KIAA2012: variants seen among roughly 807,000 people sequenced by gnomAD.
KIAA2012 encodes KIAA2012, also known as uncharacterized protein KIAA2012.
Under a neutral mutation model 150.6 loss-of-function variants are expected in KIAA2012, and 125 were observed. The observed-to-expected ratio is 0.83, with a 90% confidence interval of 0.72 to 0.96. The LOEUF (loss-of-function observed/expected upper bound fraction) is 0.96, where lower values mean the gene tolerates loss of function less well. KIAA2012 is among the 40% of genes least tolerant of loss of function. The pLI is 0.00. For synonymous variants in KIAA2012, 462 were observed against 504.7 expected (o/e 0.92, Z 1.13); for missense variants, 1,219 against 1,354.9 (o/e 0.90, Z 1.57).
At position 202,075,017 on chromosome 2, in the gene KIAA2012, C is replaced by G; in HGVS notation, c.211C>G (p.Leu71Val). 1 of 1,550,648 alleles carries G rather than the reference C, an allele frequency of 6.4e-7. No individual in the cohort carries two copies. Among genetic ancestry groups the G allele is most frequent in the Non-Finnish European group, 8.7e-7 (1 of 1,147,010 alleles). Reference sequence around the variant, plus strand: ...AACTTTCAGTACTAGAAAGGGTGCCCTGATCCTGTACTCAGAAGGTTTTGC... The same window carrying G: ...AACTTTCAGTACTAGAAAGGGTGCCGTGATCCTGTACTCAGAAGGTTTTGC... ...PKTFSTRKGA[L>V]ILYSEGFAIS... Residue 71 changes from leucine to valine, a missense_variant, in exon 2 of 24, where the codon CTG becomes GTG. Physicochemically the swap from Leu to Val is conservative, Grantham distance 32 (BLOSUM62 1). Coordinates refer to ENST00000498697, the MANE Select transcript of KIAA2012 (RefSeq NM_001277372.4).
intron 4 of KIAA2012, among the ~76,000 whole-genome samples, chr2:202,095,998 C>T (rs529792737): frequency 7.9e-5 from 12 of 152,158 alleles, no homozygotes; most frequent in East Asian, 5.8e-4. Flanking sequence ...GCAGGAGAAT[C>T]GCTTGAACCT....
At position 202,190,293 on chromosome 2, in the gene KIAA2012, A is replaced by G. The variant is rs1251698931; in HGVS notation, c.2611A>G (p.Ser871Gly). ...GGCAGAGCTGAGCGGGCCTGATGTC[A>G]GCTATGAGGAAACAGAAGACACCTC... ...IAAELSGPDV[S>G]YEETEDTSNR... is the part of the protein sequence containing the mutation. Residue 871 changes from serine (S) to glycine (G), a missense_variant, in exon 19 of 24, where the codon AGC becomes GGC. Transcript: ENST00000498697. 1.3e-6 allele frequency: 2 copies of G among 1,550,610 alleles called. No homozygotes were observed. Among genetic ancestry groups the G allele is most frequent in the East Asian group, 4.9e-5 (2 of 40,908 alleles).
intron 2 of KIAA2012, among the ~76,000 whole-genome samples, chr2:202,089,064 G>T (rs16838805): frequency 0.2 from 29,861 of 152,054 alleles, 4,730 homozygotes; most frequent in African/African-American, 0.44. Context: ...CCCACTTGAT[G>T]TTTCCCTATG....
chr2:202,095,644 G>A (rs996010128), intron 4 of KIAA2012, among the ~76,000 whole-genome samples: 1 of 152,132 alleles, frequency 6.6e-6, no homozygotes, highest in African/African-American at 2.4e-5. Flanking sequence ...ATCAGATGAT[G>A]ATGTTTACTA....
intron 15 of KIAA2012, among the ~76,000 whole-genome samples, chr2:202,168,822 C>A (rs1035908196): frequency 6.6e-6 from 1 of 151,920 alleles, no homozygotes; most frequent in Non-Finnish European, 1.5e-5. Context: ...TAAGGAGCAG[C>A]CTGGAACAAT....
At chr2:202,189,201 A>G (rs1420050951) in intron 18 of KIAA2012, among the ~76,000 whole-genome samples, 1 of 152,048 alleles carries the variant, frequency 6.6e-6, no homozygotes, top group Non-Finnish European at 1.5e-5. Flanking sequence ...CTGCAACCTC[A>G]AGCCAGACTC....
rs1438418809 is a variant in KIAA2012, at chr2:202,188,264, T to C, written c.2489T>C (p.Ile830Thr). ...GTCTACGGGCAAGCAGAGGCTGCCATTGGTAAGAGAGTGTGCCTGCAAGTA... is the reference window on the plus strand; with the variant it reads ...GTCTACGGGCAAGCAGAGGCTGCCACTGGTAAGAGAGTGTGCCTGCAAGTA... ...GKVYGQAEAA[I>T]GKSKDSKAKK... Residue 830 changes from isoleucine to threonine, a missense_variant and splice_region_variant, in exon 18 of 24, where the codon ATT becomes ACT. By Grantham distance (89) the Ile-to-Thr change is moderately conservative (BLOSUM62 -1). Coordinates refer to ENST00000498697, the MANE Select transcript of KIAA2012 (RefSeq NM_001277372.4). The C allele has an allele frequency of 2.6e-6, 4 of 1,548,734 alleles. No individual in the cohort carries two copies. Among genetic ancestry groups the C allele is most frequent in the South Asian group, 1.2e-5 (1 of 83,932 alleles).
chr2:202,176,694 T>C (rs968817805), intron 15 of KIAA2012, among the ~76,000 whole-genome samples: 1 of 152,030 alleles, frequency 6.6e-6, no homozygotes, highest in Non-Finnish European at 1.5e-5. Flanking sequence ...GAGCAAATGA[T>C]GTGAACAGGC....
intron 12 of KIAA2012, among the ~76,000 whole-genome samples, chr2:202,135,521 C>T (rs1472605232): frequency 6.6e-6 from 1 of 152,178 alleles, no homozygotes; most frequent in African/African-American, 2.4e-5. Flanking sequence ...GTTGTGTCTC[C>T]TCCTTGACAG....
In KIAA2012 at chr2:202,113,311, G is replaced by A. The variant is rs538762788; in HGVS notation, c.1652-25G>A. On this transcript the variant is annotated intron_variant, in intron 10 of 23. Coordinates refer to ENST00000498697, the MANE Select transcript of KIAA2012 (RefSeq NM_001277372.4). ...CCCTCACCAACACGGTACTGACACT[G>A]CCTATGCTTGTGCTTATTTTCAAGA... is the stretch of plus-strand genomic sequence containing the variant. 17 of 1,525,686 alleles carry A rather than the reference G, an allele frequency of 1.1e-5. No individual in the cohort carries two copies. In the East Asian group the frequency reaches 3.7e-4, roughly 33 times the overall value. 94.5% of individuals were successfully genotyped at this position (1,525,686 alleles called of 1,614,324 possible).
chr2:202,077,358 G>A (rs1464037791), intron 2 of KIAA2012, among the ~76,000 whole-genome samples: 1 of 152,130 alleles, frequency 6.6e-6, no homozygotes, highest in East Asian at 1.9e-4. Flanking sequence ...TGTCTATAAG[G>A]CTAAATACTT....
chr2:202,141,347 C>T (rs1425177904), intron 13 of KIAA2012, among the ~76,000 whole-genome samples: 1 of 151,702 alleles, frequency 6.6e-6, no homozygotes, highest in Non-Finnish European at 1.5e-5. Flanking sequence ...CTGATATCAG[C>T]AACTTCCTAG....
At chr2:202,201,484 T>C (rs1165282218) in intron 22 of KIAA2012, 5 of 1,601,402 alleles carry the variant, frequency 3.1e-6, no homozygotes, top group Non-Finnish European at 4.3e-6. Context: ...TGAGCAGCAC[T>C]GGGAGGGCAT....
At chr2:202,167,132 C>T (rs1691784770) in intron 15 of KIAA2012, among the ~76,000 whole-genome samples, 4 of 151,814 alleles carry the variant, frequency 2.6e-5, no homozygotes, top group South Asian at 2.1e-4. Flanking sequence ...CAAGATCGCA[C>T]CACTGCACTC....
chr2:202,130,226 A>G (rs1474759178), intron 12 of KIAA2012, among the ~76,000 whole-genome samples: 1 of 152,222 alleles, frequency 6.6e-6, no homozygotes, highest in African/African-American at 2.4e-5. Context: ...TAAGAGTCCA[A>G]AGAACTCTCT....
At chr2:202,130,389 G>C (rs1223070938) in intron 12 of KIAA2012, among the ~76,000 whole-genome samples, 2 of 152,286 alleles carry the variant, frequency 1.3e-5, no homozygotes, top group Admixed American at 1.3e-4. Context: ...TAAGGGATCA[G>C]GACCTTGCCC....
intron 22 of KIAA2012, among the ~76,000 whole-genome samples, chr2:202,198,045 G>A (rs1438016142): frequency 6.6e-6 from 1 of 150,694 alleles, no homozygotes; most frequent in East Asian, 2.0e-4. Flanking sequence ...ATGGTGGCAG[G>A]CACCTGTCAT....
In KIAA2012 at chr2:202,099,512, A is replaced by G. The variant is rs937558881; in HGVS notation, c.829-101A>G. The G allele has an allele frequency of 4.2e-6, 4 of 941,684 alleles. No homozygotes were observed. The African/African-American group carries it at 6.7e-5, about 16-fold the overall frequency. 58.3% of individuals were successfully genotyped at this position (941,684 alleles called of 1,614,324 possible). A position where few individuals can be genotyped will look rare whatever the true frequency, so the allele number is the denominator to read the frequency against. Reference sequence around the variant, plus strand: ...CTTCCCAACCTGCAAAAGAAATTTCATCCTTGAAACCATAAGCCTAGCCAC... The same window carrying G: ...CTTCCCAACCTGCAAAAGAAATTTCGTCCTTGAAACCATAAGCCTAGCCAC... On this transcript the variant is annotated intron_variant, in intron 5 of 23. Transcript: ENST00000498697.
At chr2:202,134,979 C>A (rs1346297748) in intron 12 of KIAA2012, among the ~76,000 whole-genome samples, 1 of 152,224 alleles carries the variant, frequency 6.6e-6, no homozygotes, top group Non-Finnish European at 1.5e-5. Context: ...ATGCCCTTTC[C>A]TGCTTTTCAA....
Sources: gnomAD v4.1 joint callset for allele counts (sites outside exome capture counted in the v4.1 genomes callset) on GRCh38, gnomAD v4.1.1 for gene constraint, MANE v1.5 for transcripts, NCBI Gene and HGNC (gene_info 2026-07-23, HGNC 2026-07-21) for gene names.